AKAP7: variants seen among roughly 807,000 people sequenced by gnomAD.
AKAP7 encodes A kinase (PRKA) anchor protein 7.
AKAP7 carries 39 observed loss-of-function variants against 39.5 expected under a neutral mutation model. The observed-to-expected ratio is 0.99, with a 90% confidence interval of 0.76 to 1.29. AKAP7 has a LOEUF of 1.29. Ranked by LOEUF, AKAP7 falls within the 50% of genes most tolerant of loss-of-function variation. The pLI is 0.00. For synonymous variants in AKAP7, 140 were observed against 139.1 expected (o/e 1.01, Z -0.05); for missense variants, 414 against 407.7 (o/e 1.02, Z -0.13).
intron 7 of AKAP7, among the ~76,000 whole-genome samples, chr6:131,261,140 G>A (rs1166816732): frequency 1.3e-5 from 2 of 150,554 alleles, no homozygotes; most frequent in Non-Finnish European, 2.9e-5. Flanking sequence ...AGGTTGCAGT[G>A]AGCTGAGATT....
chr6:131,245,205 G>T (rs1185049073), intron 7 of AKAP7, among the ~76,000 whole-genome samples: 1 of 151,194 alleles, frequency 6.6e-6, no homozygotes, highest in Non-Finnish European at 1.5e-5. Context: ...CATCTTTTGG[G>T]TCTGGCCTAT....
At chr6:131,142,614 ACT>A (rs1359762807) in intron 1 of AKAP7, among the ~76,000 whole-genome samples, 2 of 152,046 alleles carry the variant, frequency 1.3e-5, no homozygotes, top group Non-Finnish European at 2.9e-5. Flanking sequence ...TCACAGAGAA[ACT>A]CTCCTAGGGC....
intron 7 of AKAP7, among the ~76,000 whole-genome samples, chr6:131,261,859 A>C (rs1257000317): frequency 2.6e-5 from 4 of 152,198 alleles, no homozygotes; most frequent in Non-Finnish European, 5.9e-5. Flanking sequence ...AGTTGCTTTA[A>C]CAGAGAGAAT....
chr6:131,241,703 G>A (rs1045551991), intron 7 of AKAP7, among the ~76,000 whole-genome samples: 1 of 151,052 alleles, frequency 6.6e-6, no homozygotes, highest in African/African-American at 2.4e-5. Flanking sequence ...TGAAATAGCT[G>A]AAGGTTACCT....
At chr6:131,195,271 A>G (rs1585061152) in intron 5 of AKAP7, among the ~76,000 whole-genome samples, 1 of 152,136 alleles carries the variant, frequency 6.6e-6, no homozygotes, top group Non-Finnish European at 1.5e-5. Flanking sequence ...AGTGATGACA[A>G]CTTAACCCTG....
intron 2 of AKAP7, among the ~76,000 whole-genome samples, chr6:131,150,422 C>G (rs1415594048): frequency 1.3e-5 from 2 of 152,012 alleles, no homozygotes; most frequent in Admixed American, 1.3e-4. Context: ...AAATAAAGAT[C>G]GAATCTTTGT....
rs762664386 is a variant in AKAP7 at position 131,155,193 on chromosome 6, T to C, written c.152-4866T>C. On this transcript the variant is annotated intron_variant, in intron 2 of 7. Transcript: ENST00000431975. ...AATGCCTGGTTAATTTCTAAATTTTTTGTAGAGATGGGGTCTTGCTGTGTT... is the reference window on the plus strand; with the variant it reads ...AATGCCTGGTTAATTTCTAAATTTTCTGTAGAGATGGGGTCTTGCTGTGTT... Among the ~76,000 whole-genome samples, 5 of 152,164 alleles carry C rather than the reference T, an allele frequency of 3.3e-5. 1 individual carries two copies. The highest frequency in any genetic ancestry group is 7.3e-5 in the Non-Finnish European group (5 of 68,030).
intron 2 of AKAP7, among the ~76,000 whole-genome samples, chr6:131,157,629 GA>G (rs1802540259): frequency 6.6e-6 from 1 of 152,086 alleles, no homozygotes; most frequent in Admixed American, 6.6e-5. Flanking sequence ...TCTTACGTAA[GA>G]AATAAAACCC....
chr6:131,166,219 G>C (rs1335685713), intron 4 of AKAP7, among the ~76,000 whole-genome samples: 2 of 152,162 alleles, frequency 1.3e-5, no homozygotes, highest in Non-Finnish European at 2.9e-5. Context: ...ACAGAGAGGA[G>C]GGGAGATTTT....
intron 6 of AKAP7, among the ~76,000 whole-genome samples, chr6:131,207,780 A>G (rs1585090709): frequency 1.3e-5 from 2 of 152,254 alleles, no homozygotes; most frequent in Admixed American, 1.3e-4. Context: ...CTTCATTCTA[A>G]CAAAGGAGAG....
intron 5 of AKAP7, among the ~76,000 whole-genome samples, chr6:131,175,613 G>T (rs898762367): frequency 2.0e-5 from 3 of 152,126 alleles, no homozygotes; most frequent in African/African-American, 4.8e-5. Flanking sequence ...CATTAATGGG[G>T]GTCAGGATAT....
intron 7 of AKAP7, among the ~76,000 whole-genome samples, chr6:131,277,475 C>T (rs565693886): frequency 2.4e-4 from 36 of 152,260 alleles, no homozygotes; most frequent in African/African-American, 8.2e-4. Flanking sequence ...GTGTGTGTTG[C>T]GCCAGCATGT....
At chr6:131,134,926 T>A (rs1040608699), upstream of AKAP7, among the ~76,000 whole-genome samples, 1 of 152,224 alleles carries the variant, frequency 6.6e-6, no homozygotes, top group African/African-American at 2.4e-5. Flanking sequence ...TTAAACTAAG[T>A]AAATTTCTTT....
Position 131,281,921 on chromosome 6 carries a change from G to A in AKAP7, c.*195G>A, listed in dbSNP as rs1389464944. 14 of 1,240,858 alleles carry A rather than the reference G, an allele frequency of 1.1e-5. No individual in the cohort carries two copies. Among genetic ancestry groups the A allele is most frequent in the Non-Finnish European group, 1.4e-5 (14 of 990,974 alleles). The allele number at this position is 1,240,858 out of a possible 1,614,324, so 76.9% of individuals were successfully genotyped here. On this transcript the variant is annotated 3_prime_UTR_variant, in exon 8 of 8. Coordinates refer to ENST00000431975, the MANE Select transcript of AKAP7 (RefSeq NM_016377.4). This position sits in a 1 kb window ranked among gnomAD's most constrained non-coding sequence, Gnocchi z 4.0. ...GAAGAAAAATGGAGTGCTGGGACTG[G>A]CAGAGGAAATTAATTGATGAAAGAA...
intron 6 of AKAP7, among the ~76,000 whole-genome samples, chr6:131,216,528 ATTGT>A (rs1171981692): frequency 1.3e-5 from 2 of 152,204 alleles, no homozygotes; most frequent in Non-Finnish European, 2.9e-5. Context: ...TTCCCGGTAC[ATTGT>A]ATCAAAGGTT....
intron 1 of AKAP7, among the ~76,000 whole-genome samples, chr6:131,136,343 G>A (rs1800539546): frequency 6.6e-6 from 1 of 152,132 alleles, no homozygotes; most frequent in Non-Finnish European, 1.5e-5. Flanking sequence ...GCGAGTTAGG[G>A]GTGGACTTTC....
At chr6:131,180,669 A>T (rs1805101707) in intron 5 of AKAP7, among the ~76,000 whole-genome samples, 1 of 152,192 alleles carries the variant, frequency 6.6e-6, no homozygotes, top group African/African-American at 2.4e-5. Context: ...TCCTGCGGTC[A>T]GTAGGCTATG....
At chr6:131,222,589 G>A (rs1484679264) in intron 7 of AKAP7, among the ~76,000 whole-genome samples, 1 of 152,050 alleles carries the variant, frequency 6.6e-6, no homozygotes, top group African/African-American at 2.4e-5. Flanking sequence ...GCCTGAAGAT[G>A]GGATTGAATT....
chr6:131,229,400 A>G (rs1810457988), intron 7 of AKAP7, among the ~76,000 whole-genome samples: 1 of 152,026 alleles, frequency 6.6e-6, no homozygotes, highest in South Asian at 2.1e-4. Flanking sequence ...CCAGGCTGGA[A>G]TGCAGTGGCG....
Sources: gnomAD v4.1 joint callset for allele counts (sites outside exome capture counted in the v4.1 genomes callset) on GRCh38, gnomAD v4.1.1 for gene constraint, Gnocchi (gnomAD v3.1) non-coding constraint, MANE v1.5 for transcripts, NCBI Gene and HGNC (gene_info 2026-07-23, HGNC 2026-07-21) for gene names.